FHIP2A: variants seen among roughly 807,000 people sequenced by gnomAD.
FHIP2A encodes the protein FHF complex subunit HOOK interacting protein 2A.
Under a neutral mutation model 93.5 loss-of-function variants are expected in FHIP2A, and 46 were observed. The ratio of observed to expected loss-of-function variants is 0.49; its 90% CI spans 0.39 to 0.63. FHIP2A has a LOEUF of 0.63. Ranked by LOEUF, FHIP2A falls within the 20% of genes least tolerant of loss-of-function variation. The pLI is 0.00. For missense variants in FHIP2A, 769 were observed against 909.7 expected, an observed-to-expected ratio of 0.85 and a Z score of 1.99; for synonymous variants, 332 against 326.5, an observed-to-expected ratio of 1.02 and a Z score of -0.18.
At chr10:114,831,237 A>G (rs1195015182) in intron 2 of FHIP2A, among the ~76,000 whole-genome samples, 1 of 152,210 alleles carries the variant, frequency 6.6e-6, no homozygotes, top group Non-Finnish European at 1.5e-5. Flanking sequence ...AAATATGTAT[A>G]GTGTGTCAGA....
chr10:114,887,527 G>A (rs2083949239), intron 16 of FHIP2A, among the ~76,000 whole-genome samples: 1 of 152,186 alleles, frequency 6.6e-6, no homozygotes, highest in African/African-American at 2.4e-5. Context: ...ACCCAGCTAG[G>A]AAGTGGTAGA....
chr10:114,861,091 T>C (rs1296190195), intron 15 of FHIP2A, 140 bp from the exon 16 acceptor site: 4 of 1,150,588 alleles, frequency 3.5e-6, no homozygotes, highest in Middle Eastern at 2.9e-4. Context: ...GTATGAGTCC[T>C]TGGTTAAAGA....
At chr10:114,882,742 G>T (rs999405645) in intron 16 of FHIP2A, among the ~76,000 whole-genome samples, 1 of 152,116 alleles carries the variant, frequency 6.6e-6, no homozygotes, top group African/African-American at 2.4e-5. Flanking sequence ...AGGCATGGTG[G>T]TATGCACCTG....
chr10:114,830,497 C>T (rs2083601990), intron 1 of FHIP2A, among the ~76,000 whole-genome samples: 2 of 151,912 alleles, frequency 1.3e-5, no homozygotes, highest in South Asian at 4.2e-4. Context: ...GTCTTGAACT[C>T]CTGACCTCAA....
chr10:114,860,572 G>A (rs979330738), intron 14 of FHIP2A, among the ~76,000 whole-genome samples, 177 bp from the exon 15 acceptor site: 1 of 151,952 alleles, frequency 6.6e-6, no homozygotes, highest in Non-Finnish European at 1.5e-5. Context: ...GGCTGGTCTC[G>A]AACTCCCAAC....
In FHIP2A at chr10:114,863,870, C is replaced by T; in HGVS notation, c.*2330C>T. The T allele has an allele frequency of 2.8e-6, 3 of 1,090,730 alleles. No individual in the cohort carries two copies. The highest frequency in any genetic ancestry group is 2.3e-5 in the South Asian group (1 of 43,912). The allele number at this position is 1,090,730 out of a possible 1,614,324, so 67.6% of individuals were successfully genotyped here. ...CAAAGTGAATTTCAGCCTTGCTTCA[C>T]ATTTGTATCAATAAATATGCACATT... On this transcript the variant is annotated 3_prime_UTR_variant, in exon 17 of 17. Coordinates refer to ENST00000369248, the MANE Select transcript of FHIP2A (RefSeq NM_020940.4).
At chr10:114,882,428 G>C (rs772131306) in intron 16 of FHIP2A, among the ~76,000 whole-genome samples, 4 of 152,196 alleles carry the variant, frequency 2.6e-5, no homozygotes, top group Non-Finnish European at 5.9e-5. Context: ...AGAGAGGAGA[G>C]AGGCACTAGA....
rs2083526662 is a variant in FHIP2A, at chr10:114,821,952, TC to T, written c.-126del. On this transcript the variant is annotated 5_prime_UTR_variant, in exon 1 of 17. Transcript: ENST00000369248. ...GCCAGGCCCTGCCTCGATCCTCAGCTCGTCCTCCCCGCCCCGCACCGGCCTT... is the reference window on the plus strand; with the variant it reads ...GCCAGGCCCTGCCTCGATCCTCAGCTGTCCTCCCCGCCCCGCACCGGCCTT... 2.2e-6 allele frequency: 1 copy of T among 463,422 alleles called. No individual in the cohort carries two copies. Among genetic ancestry groups the T allele is most frequent in the Admixed American group, 5.0e-5 (1 of 19,986 alleles). The allele number at this position is 463,422 out of a possible 1,614,324, so 28.7% of individuals were successfully genotyped here.
rs749433606 is a variant in FHIP2A, at chr10:114,833,281, A to G, written c.173A>G (p.Gln58Arg). ...TDTNIPSHLE[Q>R]MLDILVQEEN... Reference sequence around the variant, plus strand: ...ACAAATATTCCATCGCATCTGGAACAGATGTTAGATATACTGGTTCAAGAA... The same window carrying G: ...ACAAATATTCCATCGCATCTGGAACGGATGTTAGATATACTGGTTCAAGAA... Residue 58 changes from glutamine (Q) to arginine (R), a missense_variant, in exon 3 of 17, where the codon CAG (glutamine) becomes CGG (arginine). By Grantham distance (43) the Gln-to-Arg change is conservative. Transcript: ENST00000369248. 1.2e-5 allele frequency: 20 copies of G among 1,613,470 alleles called. No homozygotes were observed. In the African/African-American group the frequency reaches 2.5e-4, roughly 20 times the overall value.
At chr10:114,889,929 A>G (rs2083962158) in intron 16 of FHIP2A, among the ~76,000 whole-genome samples, 1 of 152,166 alleles carries the variant, frequency 6.6e-6, no homozygotes, top group Non-Finnish European at 1.5e-5. Flanking sequence ...AGTGTTGGCC[A>G]TTGCTTTGCC....
chr10:114,865,133 G>A (rs1177749318), downstream of FHIP2A, among the ~76,000 whole-genome samples: 11 of 151,978 alleles, frequency 7.2e-5, no homozygotes, highest in Admixed American at 7.2e-4. Flanking sequence ...GATTACAGGT[G>A]CCTGCCACCA....
intron 13 of FHIP2A, among the ~76,000 whole-genome samples, chr10:114,850,542 T>TA (rs1455269314): frequency 1.3e-4 from 16 of 124,048 alleles, no homozygotes; most frequent in East Asian, 6.3e-4. Context: ...CAAAAATTTT[T>TA]TAAAAAAATT....
rs775942395 is a variant in FHIP2A at position 114,843,039 on chromosome 10, C to G, written c.629C>G (p.Pro210Arg). 8 of 1,614,036 alleles carry G rather than the reference C, an allele frequency of 5.0e-6. No homozygotes were observed. In the South Asian group the frequency reaches 7.7e-5, roughly 16 times the overall value. Reference sequence around the variant, plus strand: ...ACAGATACAGGACAGTCCCGTCAACCAGAGGAACTATCTGGTGCTACTGGA... The same window carrying G: ...ACAGATACAGGACAGTCCCGTCAACGAGAGGAACTATCTGGTGCTACTGGA... ...LSTDTGQSRQ[P>R]EELSGATGME... is the part of the protein sequence containing the mutation. The change falls in exon 6 of 17, where the codon CCA (proline) becomes CGA (arginine). Residue 210 changes from proline (P) to arginine (R), a missense_variant. Pro to Arg is a moderately radical substitution (Grantham distance 103, BLOSUM62 -2). Transcript: ENST00000369248.
intron 13 of FHIP2A, among the ~76,000 whole-genome samples, chr10:114,851,430 T>G (rs2083735224): frequency 6.6e-6 from 1 of 152,140 alleles, no homozygotes; most frequent in Non-Finnish European, 1.5e-5. Flanking sequence ...TCATTTTTTT[T>G]ACATGTAGAC....
intron 16 of FHIP2A, among the ~76,000 whole-genome samples, chr10:114,887,445 T>C (rs748401680): frequency 2.6e-5 from 4 of 152,324 alleles, no homozygotes; most frequent in Admixed American, 1.3e-4. Context: ...AAAAACCCTA[T>C]GAGGGAGGCC....
intron 16 of FHIP2A, among the ~76,000 whole-genome samples, chr10:114,892,659 A>G (rs1351908790): frequency 6.6e-6 from 1 of 152,072 alleles, no homozygotes; most frequent in Non-Finnish European, 1.5e-5. Flanking sequence ...AATAATAATG[A>G]CAAAAATTTT....
chr10:114,855,184 T>C lies in FHIP2A; in HGVS notation c.1804-13T>C. On this transcript the variant is annotated splice_polypyrimidine_tract_variant and intron_variant, in intron 13 of 16. Transcript: ENST00000369248. ...TTTGTTCTTTAATGATTCACATGCT[T>C]TTTTCCCCCTAGTTCCGAGACTACT... The C allele has an allele frequency of 3.1e-6, 5 of 1,596,458 alleles. No individual in the cohort carries two copies. Among genetic ancestry groups the C allele is most frequent in the Non-Finnish European group, 1.7e-6 (2 of 1,173,220 alleles).
rs199649345 is a variant in FHIP2A, at chr10:114,891,228, A to T, written c.2193-8262A>T. ...AACAACAACAACAACAAATATATAT[A>T]TATATATATATATGCATATAGAAGT... On this transcript the variant is annotated intron_variant, in intron 16 of 16. Transcript: ENST00000369250. 2.7e-5 allele frequency among the ~76,000 whole-genome samples: 4 copies of T among 149,336 alleles called. No homozygotes were observed. In the East Asian group the frequency reaches 5.8e-4, roughly 22 times the overall value.
chr10:114,866,887 A>G (rs2083831757), downstream of FHIP2A, among the ~76,000 whole-genome samples: 1 of 152,198 alleles, frequency 6.6e-6, no homozygotes, highest in South Asian at 2.1e-4. Context: ...CTTACTTTTG[A>G]GATATGCCAG....
Sources: allele counts gnomAD v4.1 joint callset (sites outside exome capture counted in the v4.1 genomes callset), GRCh38; gene constraint gnomAD v4.1.1; transcripts MANE v1.5; gene names NCBI Gene and HGNC (gene_info 2026-07-23, HGNC 2026-07-21).